UBE3D: variants seen among roughly 807,000 people sequenced by gnomAD.
The protein encoded by UBE3D is ubiquitin protein ligase E3D, also known as E3 ubiquitin-protein ligase E3D.
A neutral mutation model predicts 49.6 loss-of-function variants in UBE3D; 48 were observed. The ratio of observed to expected loss-of-function variants is 0.97; its 90% CI spans 0.77 to 1.23. UBE3D has a LOEUF of 1.23. UBE3D is among the 50% of genes most tolerant of loss of function. The probability of loss-of-function intolerance (pLI) is 0.00; values close to 1 mark genes in which losing one functional copy is unlikely to be tolerated. For missense variants in UBE3D, 452 were observed against 468.4 expected (o/e 0.96, Z 0.32); for synonymous variants, 189 against 174.2 (o/e 1.08, Z -0.67).
At chr6:82,987,421 C>G (rs755294314) in intron 8 of UBE3D, among the ~76,000 whole-genome samples, 10 of 152,164 alleles carry the variant, frequency 6.6e-5, no homozygotes, top group Non-Finnish European at 1.2e-4. Context: ...GATGGTTTTA[C>G]TTATTTTCCA....
At chr6:83,029,896 T>C (rs1211443202) in intron 5 of UBE3D, among the ~76,000 whole-genome samples, 4 of 152,128 alleles carry the variant, frequency 2.6e-5, no homozygotes, top group South Asian at 2.1e-4. Flanking sequence ...AGCAAATAAT[T>C]TGGGGCAAGG....
intron 9 of UBE3D, among the ~76,000 whole-genome samples, chr6:82,901,962 T>C (rs1771768862): frequency 6.6e-6 from 1 of 152,122 alleles, no homozygotes; most frequent in South Asian, 2.1e-4. Context: ...ATGAATTTTC[T>C]GGGGGGTGGG....
rs201264645 is a variant in UBE3D, at chr6:82,936,499, G to GT, written c.1149+20812dup. Among the ~76,000 whole-genome samples the GT allele has an allele frequency of 7.6e-3, 1,107 of 146,382 alleles. 15 individuals are homozygous for GT. Among genetic ancestry groups the GT allele is most frequent in the African/African-American group, 0.025 (1,014 of 40,178 alleles). On this transcript the variant is annotated intron_variant, in intron 9 of 9. Transcript: ENST00000369747. Reference sequence around the variant, plus strand: ...GGGACTATGGACACATACAGGTTTTGTTTTTTTTTTAATGAAGAACTGCAT... The same window carrying GT: ...GGGACTATGGACACATACAGGTTTTGTTTTTTTTTTTAATGAAGAACTGCAT...
At chr6:82,924,225 C>T (rs912814664) in intron 9 of UBE3D, among the ~76,000 whole-genome samples, 1 of 151,958 alleles carries the variant, frequency 6.6e-6, no homozygotes, top group Non-Finnish European at 1.5e-5. Context: ...GAAAACAAAA[C>T]CCAGATATAG....
intron 9 of UBE3D, among the ~76,000 whole-genome samples, chr6:82,906,289 CT>C (rs1355255409): frequency 6.7e-6 from 1 of 149,086 alleles, no homozygotes; most frequent in East Asian, 1.9e-4. Flanking sequence ...AGAAATCAGG[CT>C]TTTTGTTCTG....
the UBE3D span, among the ~76,000 whole-genome samples, chr6:82,882,662 AC>A: frequency 6.6e-6 from 1 of 152,208 alleles, no homozygotes; most frequent in Non-Finnish European, 1.5e-5. Context: ...TCAAACTATA[AC>A]TTTAACAATG....
At chr6:83,053,318 T>G (rs1562231760) in intron 3 of UBE3D, among the ~76,000 whole-genome samples, 1 of 152,212 alleles carries the variant, frequency 6.6e-6, no homozygotes, top group Non-Finnish European at 1.5e-5. Flanking sequence ...GAAGCAGGTT[T>G]CAGACAGGAA....
chr6:82,888,426 GT>G (rs1208731334), downstream of UBE3D, among the ~76,000 whole-genome samples: 3 of 151,732 alleles, frequency 2.0e-5, no homozygotes, highest in Non-Finnish European at 4.4e-5. Context: ...ATAGAAAATA[GT>G]TTTAATCTAT....
rs531854845 is a variant in UBE3D at position 82,994,527 on chromosome 6, C to T, written c.1010+24446G>A. On this transcript the variant is annotated intron_variant, in intron 8 of 9. Transcript: ENST00000369747. ...CAAGGAGATAAGGATTTGGGACAGG[C>T]AAACAGAGGCAGGGGTATGATTGCA... is the stretch of plus-strand genomic sequence containing the variant. 2.6e-5 allele frequency among the ~76,000 whole-genome samples: 4 copies of T among 152,146 alleles called. No homozygotes were observed. In the East Asian group the frequency reaches 7.7e-4, roughly 29 times the overall value.
chr6:82,905,940 C>A (rs1316817492), intron 9 of UBE3D, among the ~76,000 whole-genome samples: 1 of 152,110 alleles, frequency 6.6e-6, no homozygotes, highest in African/African-American at 2.4e-5. Context: ...TTGGTTTCAT[C>A]CAAATCCCTG....
chr6:82,896,949 C>A (rs904714798), intron 9 of UBE3D, among the ~76,000 whole-genome samples: 19 of 152,066 alleles, frequency 1.2e-4, no homozygotes, highest in African/African-American at 4.6e-4. Context: ...CCATGTTGGT[C>A]AGGCTGGTCT....
chr6:82,926,185 G>A (rs1773737286), intron 9 of UBE3D, among the ~76,000 whole-genome samples: 1 of 152,116 alleles, frequency 6.6e-6, no homozygotes, highest in Non-Finnish European at 1.5e-5. Context: ...GATAAAAAGT[G>A]AAAAAGAATG....
At chr6:82,980,015 T>C (rs1778004764) in intron 8 of UBE3D, among the ~76,000 whole-genome samples, 1 of 152,166 alleles carries the variant, frequency 6.6e-6, no homozygotes, top group Non-Finnish European at 1.5e-5. Flanking sequence ...TTAGGTTGAT[T>C]ATATATCTTT....
intron 1 of UBE3D, among the ~76,000 whole-genome samples, chr6:83,060,269 A>G (rs1784090397): frequency 6.6e-6 from 1 of 152,160 alleles, no homozygotes; most frequent in South Asian, 2.1e-4. Context: ...TATTAATTAC[A>G]TAGAGGGAGA....
At chr6:83,049,165 TAAAG>T (rs2127831320) in intron 3 of UBE3D, among the ~76,000 whole-genome samples, 1 of 152,134 alleles carries the variant, frequency 6.6e-6, no homozygotes, top group East Asian at 1.9e-4. Context: ...AATGTGAAAA[TAAAG>T]GAACATACAT....
chr6:82,884,880 A>AT, the UBE3D span, among the ~76,000 whole-genome samples: 4 of 152,230 alleles, frequency 2.6e-5, no homozygotes, highest in Non-Finnish European at 5.9e-5. Context: ...ACTTTTGGAA[A>AT]TTACATAAAA....
intron 3 of UBE3D, among the ~76,000 whole-genome samples, chr6:83,045,932 T>C (rs1236317556): frequency 6.6e-6 from 1 of 152,170 alleles, no homozygotes; most frequent in Non-Finnish European, 1.5e-5. Context: ...TTCAGACACT[T>C]GAGATTTTTG....
At chr6:83,021,913 G>A (rs1175421436) in intron 7 of UBE3D, among the ~76,000 whole-genome samples, 1 of 151,962 alleles carries the variant, frequency 6.6e-6, no homozygotes, top group Non-Finnish European at 1.5e-5. Flanking sequence ...TGTGGTATGA[G>A]CTTCTAAATA....
intron 9 of UBE3D, among the ~76,000 whole-genome samples, chr6:82,908,567 T>C (rs1772271166): frequency 6.6e-6 from 1 of 152,048 alleles, no homozygotes; most frequent in African/African-American, 2.4e-5. Context: ...AAAAAGAAAC[T>C]CAGCAACACC....
Sources: allele counts gnomAD v4.1 joint callset (sites outside exome capture counted in the v4.1 genomes callset), GRCh38; gene constraint gnomAD v4.1.1; transcripts MANE v1.5; gene names NCBI Gene and HGNC (gene_info 2026-07-23, HGNC 2026-07-21).